The following TTC23L variants were observed in gnomAD, a reference collection of about 807,000 sequenced individuals.
The protein encoded by TTC23L is tetratricopeptide repeat domain 23 like, also known as tetratricopeptide repeat protein 23-like.
A neutral mutation model predicts 48.1 loss-of-function variants in TTC23L; 42 were observed. That is an observed-to-expected ratio of 0.87 (90% CI 0.68 to 1.13). The LOEUF is 1.13. Among genes scored for constraint, TTC23L ranks in the 50% most tolerant of loss-of-function variants. The pLI is 0.00. For synonymous variants in TTC23L, 159 were observed against 157.2 expected (o/e 1.01, Z -0.09); for missense variants, 391 against 421.0 (o/e 0.93, Z 0.62).
chr5:34,855,930 G>T (rs970772537), intron 4 of TTC23L, among the ~76,000 whole-genome samples: 4 of 152,170 alleles, frequency 2.6e-5, no homozygotes, highest in African/African-American at 4.8e-5. Context: ...ACCTCTCAGT[G>T]TTTACTTTTT....
At chr5:34,874,879 A>G (rs1388644096) in intron 8 of TTC23L, among the ~76,000 whole-genome samples, 1 of 152,234 alleles carries the variant, frequency 6.6e-6, no homozygotes, top group Non-Finnish European at 1.5e-5. Context: ...TATTTTAAAC[A>G]TCAGTGGTCT....
At chr5:34,915,641 C>G in the TTC23L span, 2 of 1,403,202 alleles carry the variant, frequency 1.4e-6, no homozygotes, top group Non-Finnish European at 1.9e-6. Context: ...AGGACGACCG[C>G]GGAGCTGAGC....
chr5:34,890,441 C>CAA (rs57798773), intron 9 of TTC23L, among the ~76,000 whole-genome samples: 874 of 55,782 alleles, frequency 0.016, 16 homozygotes, highest in South Asian at 0.055. Context: ...GACCCTGTCT[C>CAA]AAAAAAAAAA....
intron 9 of TTC23L, among the ~76,000 whole-genome samples, chr5:34,881,995 C>T (rs765335579): frequency 1.3e-5 from 2 of 152,068 alleles, no homozygotes; most frequent in Non-Finnish European, 2.9e-5. Context: ...CCTCAAGTGA[C>T]CGCCCGCCTC....
chr5:34,922,867 C>T, the TTC23L span: 2 of 1,316,320 alleles, frequency 1.5e-6, no homozygotes, highest in South Asian at 2.5e-5. Flanking sequence ...TCACCCCCAC[C>T]TTGGTTTTAT....
intron 2 of TTC23L, among the ~76,000 whole-genome samples, chr5:34,844,847 C>T (rs1038005931): frequency 1.3e-5 from 2 of 152,072 alleles, no homozygotes; most frequent in Admixed American, 6.6e-5. Flanking sequence ...CTTGATGTAG[C>T]GTGGGGTTCC....
At chr5:34,875,134 G>C (rs1761737722) in intron 8 of TTC23L, among the ~76,000 whole-genome samples, 1 of 152,218 alleles carries the variant, frequency 6.6e-6, no homozygotes, top group East Asian at 1.9e-4. Context: ...ATGATAAAGG[G>C]GTCAGTTCTC....
intron 8 of TTC23L, among the ~76,000 whole-genome samples, chr5:34,871,991 A>C (rs1761499557): frequency 6.6e-6 from 1 of 152,164 alleles, no homozygotes; most frequent in Non-Finnish European, 1.5e-5. Flanking sequence ...ACATAGAAAA[A>C]AATAGGCTTT....
chr5:34,900,842 G>A (rs770788983), downstream of TTC23L, among the ~76,000 whole-genome samples: 4 of 152,222 alleles, frequency 2.6e-5, no homozygotes, highest in Non-Finnish European at 5.9e-5. Flanking sequence ...GAGTTGAACT[G>A]CTCATGCAGA....
chr5:34,874,637 T>C (rs1215956626), intron 8 of TTC23L, among the ~76,000 whole-genome samples: 6 of 152,088 alleles, frequency 3.9e-5, no homozygotes, highest in Non-Finnish European at 8.8e-5. Flanking sequence ...GTGGGGGGTT[T>C]GCTTGAGCCC....
At chr5:34,915,869 G>T in the TTC23L span, 1 of 1,562,056 alleles carries the variant, frequency 6.4e-7, no homozygotes, top group Non-Finnish European at 8.7e-7. Flanking sequence ...GAAGAAGAGA[G>T]GGACCGGATC....
intron 9 of TTC23L, among the ~76,000 whole-genome samples, chr5:34,895,443 AT>A (rs1763155974): frequency 6.6e-6 from 1 of 152,190 alleles, no homozygotes; most frequent in Non-Finnish European, 1.5e-5. Context: ...AACTTACTGG[AT>A]GTATGAAAGC....
At chr5:34,842,927 G>A (rs1487639715) in intron 2 of TTC23L, among the ~76,000 whole-genome samples, 1 of 152,130 alleles carries the variant, frequency 6.6e-6, no homozygotes, top group Non-Finnish European at 1.5e-5. Flanking sequence ...CTAGGTTCAA[G>A]CCATTCTCAT....
downstream of TTC23L, among the ~76,000 whole-genome samples, chr5:34,901,199 G>GT (rs1183038601): frequency 6.6e-6 from 1 of 150,542 alleles, no homozygotes. Context: ...CGCAGTTTGT[G>GT]TTTTTTCAAA....
the TTC23L span, chr5:34,918,339 C>A: frequency 8.2e-7 from 1 of 1,212,154 alleles, no homozygotes; most frequent in Non-Finnish European, 1.2e-6. Flanking sequence ...ATTTTAAAAT[C>A]TTTTAACATT....
At chr5:34,893,111 GA>G (rs1290905024) in intron 9 of TTC23L, among the ~76,000 whole-genome samples, 2 of 152,298 alleles carry the variant, frequency 1.3e-5, no homozygotes, top group East Asian at 3.9e-4. Flanking sequence ...GCCGTAGTAG[GA>G]AGAACGTGTA....
chr5:34,912,721 C>T, the TTC23L span, among the ~76,000 whole-genome samples: 1 of 151,996 alleles, frequency 6.6e-6, no homozygotes, highest in African/African-American at 2.4e-5. Flanking sequence ...ATTCGGCAAC[C>T]GGTTGCGGTG....
At chr5:34,897,370 C>T (rs902355901) in intron 10 of TTC23L, among the ~76,000 whole-genome samples, 2 of 151,216 alleles carry the variant, frequency 1.3e-5, no homozygotes. Context: ...GGCAACAGAG[C>T]AAGACTGTCT....
chr5:34,868,963 G>A, exon 8 of TTC23L: 1 of 1,611,566 alleles, frequency 6.2e-7, no homozygotes, highest in South Asian at 1.1e-5. Context: ...GCAGAAATGA[G>A]TGCGTTACTG....
Sources: gnomAD v4.1 joint callset for allele counts (sites outside exome capture counted in the v4.1 genomes callset) on GRCh38, gnomAD v4.1.1 for gene constraint, MANE v1.5 for transcripts, NCBI Gene and HGNC (gene_info 2026-07-23, HGNC 2026-07-21) for gene names.